The following CTTNBP2 variants were observed in gnomAD, a reference collection of about 807,000 sequenced individuals.
CTTNBP2 encodes the protein cortactin-binding protein 2.
In CTTNBP2, 108 loss-of-function variants were observed where a neutral mutation model predicts 156.9. The observed-to-expected ratio is 0.69, with a 90% CI of 0.59 to 0.81. CTTNBP2 has a LOEUF of 0.81. CTTNBP2 is among the 30% of genes least tolerant of loss of function. The pLI is 0.00. For missense variants in CTTNBP2, 1,924 were observed against 2,035.4 expected (o/e 0.95, Z 1.05); for synonymous variants, 767 against 751.8 (o/e 1.02, Z -0.33).
rs775961843 is a variant in CTTNBP2, at chr7:117,792,484, G to A, written c.712C>T (p.Arg238Trp). 20 of 1,614,144 alleles carry A rather than the reference G, an allele frequency of 1.2e-5. No individual in the cohort carries two copies. The highest frequency in any genetic ancestry group is 4.4e-5 in the South Asian group (4 of 91,076). Reference sequence around the variant, plus strand: ...TTCAGCTTGGCACGAAGCTGTTCCCGCTCAGTGTCAAACTCAGAGAGTTGT... The same window carrying A: ...TTCAGCTTGGCACGAAGCTGTTCCCACTCAGTGTCAAACTCAGAGAGTTGT... ...EKQLSEFDTE[R>W]EQLRAKLNRE... Residue 238 changes from arginine to tryptophan, a missense_variant, in exon 4 of 23, where the codon CGG becomes TGG. By Grantham distance (101) the Arg-to-Trp change is moderately radical. Transcript: ENST00000160373. The surrounding 1 kb of genome is among the most constrained non-coding windows in gnomAD (Gnocchi z 4.2).
At chr7:117,799,464 T>TAAAA (rs568543909) in intron 3 of CTTNBP2, among the ~76,000 whole-genome samples, 11 of 146,332 alleles carry the variant, frequency 7.5e-5, no homozygotes, top group African/African-American at 2.5e-5. Context: ...CCATTCATGA[T>TAAAA]AAAAAAAAAA....
At chr7:117,740,149 T>C (rs1332410885) in intron 14 of CTTNBP2, among the ~76,000 whole-genome samples, 1 of 152,044 alleles carries the variant, frequency 6.6e-6, no homozygotes, top group African/African-American at 2.4e-5. Context: ...GAGAAGAAAA[T>C]GTTATTTTAA....
At chr7:117,851,339 C>T (rs1428584444) in intron 2 of CTTNBP2, among the ~76,000 whole-genome samples, 1 of 151,808 alleles carries the variant, frequency 6.6e-6, no homozygotes, top group Non-Finnish European at 1.5e-5. Flanking sequence ...CTTTTATTCC[C>T]AATCTCTTCT....
chr7:117,773,914 C>A (rs1019299670), intron 8 of CTTNBP2, among the ~76,000 whole-genome samples: 5 of 152,190 alleles, frequency 3.3e-5, no homozygotes, highest in Non-Finnish European at 5.9e-5. Context: ...AGAACCATAA[C>A]CTCCTCCTGT....
chr7:117,813,108 G>A lies in CTTNBP2; in HGVS notation c.190-2119C>T, dbSNP rs1248011470. ...GTGAAGGGAGCAGGAATGTCGTACC[G>A]GACTGGTTCAGGTGGTCAGCTAGCT... On this transcript the variant is annotated intron_variant, in intron 2 of 22. Coordinates refer to ENST00000160373, the MANE Select transcript of CTTNBP2 (RefSeq NM_033427.3). 5.3e-5 allele frequency among the ~76,000 whole-genome samples: 8 copies of A among 152,240 alleles called. No homozygotes were observed. The South Asian group carries it at 8.3e-4, about 16-fold the overall frequency.
intron 17 of CTTNBP2, among the ~76,000 whole-genome samples, chr7:117,725,691 T>C (rs1292211348): frequency 7.0e-6 from 1 of 142,920 alleles, no homozygotes; most frequent in East Asian, 1.9e-4. Context: ...ATTGGGATAC[T>C]TTTTTTTTCT....
At chr7:117,872,028 T>G (rs1439884318) in intron 1 of CTTNBP2, 38 of 931,102 alleles carry the variant, frequency 4.1e-5, no homozygotes, top group Non-Finnish European at 4.7e-5. Flanking sequence ...CAGGTTTCGT[T>G]TGAAATCTTA....
chr7:117,805,739 A>T (rs577454784), intron 3 of CTTNBP2, among the ~76,000 whole-genome samples: 77 of 147,964 alleles, frequency 5.2e-4, no homozygotes, highest in African/African-American at 1.9e-3. Flanking sequence ...ACAGATTTTT[A>T]AAAAAATTGT....
intron 3 of CTTNBP2, among the ~76,000 whole-genome samples, chr7:117,804,530 T>C (rs1459444414): frequency 6.6e-6 from 1 of 152,128 alleles, no homozygotes; most frequent in Non-Finnish European, 1.5e-5. Context: ...CGAATGCCCA[T>C]CAGTGACAGA....
chr7:117,819,356 T>TTC (rs144262146), intron 2 of CTTNBP2, among the ~76,000 whole-genome samples: 22,660 of 126,794 alleles, frequency 0.18, 2,293 homozygotes, highest in African/African-American at 0.26. Flanking sequence ...TCTTTTCTCC[T>TTC]TCTCTCTCTC....
chr7:117,833,552 G>GT (rs1404539297), intron 2 of CTTNBP2, among the ~76,000 whole-genome samples: 1 of 152,184 alleles, frequency 6.6e-6, no homozygotes, highest in Non-Finnish European at 1.5e-5. Context: ...GAGCCACAGT[G>GT]TCTAGATTGT....
chr7:117,763,090 A>G (rs1001293200), intron 9 of CTTNBP2, among the ~76,000 whole-genome samples: 2 of 152,186 alleles, frequency 1.3e-5, no homozygotes, highest in Admixed American at 1.3e-4. Context: ...TCTTTTCCAT[A>G]GCATATCTCA....
rs765806445 is a variant in CTTNBP2 at position 117,745,816 on chromosome 7, C to T, written c.3535+15G>A. 1 of 1,585,868 alleles carries T rather than the reference C, an allele frequency of 6.3e-7. No individual in the cohort carries two copies. The highest frequency in any genetic ancestry group is 1.7e-5 in the Admixed American group (1 of 59,902). On this transcript the variant is annotated intron_variant, in intron 14 of 22. Transcript: ENST00000160373. ...CCTTTAGGTTATCACAGGCAATTTG[C>T]TGAAATGTTCTTACCGCTACTAATG...
At chr7:117,816,335 C>T (rs992365935) in intron 2 of CTTNBP2, among the ~76,000 whole-genome samples, 6 of 152,202 alleles carry the variant, frequency 3.9e-5, no homozygotes, top group Non-Finnish European at 7.4e-5. Flanking sequence ...TTGTTCTTTG[C>T]ACCCCCTGAA....
intron 12 of CTTNBP2, chr7:117,755,626 A>T: frequency 2.2e-6 from 1 of 459,420 alleles, no homozygotes; most frequent in South Asian, 1.6e-5. Flanking sequence ...AATAAATAAA[A>T]TAAGTCATAA....
rs376864286 is a variant in CTTNBP2 at position 117,791,108 on chromosome 7, T to A, written c.2068+20A>T. 2 of 1,590,684 alleles carry A rather than the reference T, an allele frequency of 1.3e-6. No homozygotes were observed. Among genetic ancestry groups the A allele is most frequent in the African/African-American group, 1.3e-5 (1 of 74,286 alleles). ...GAGGCCATATTCTTTAAAAAGCGTA[T>A]AACATTTCAATCCCTTTACCTGATG... On this transcript the variant is annotated intron_variant, in intron 4 of 22. Transcript: ENST00000160373.
chr7:117,860,107 G>A (rs1563074023), intron 2 of CTTNBP2, among the ~76,000 whole-genome samples: 1 of 152,052 alleles, frequency 6.6e-6, no homozygotes, highest in Non-Finnish European at 1.5e-5. Flanking sequence ...GACAAGGTTT[G>A]AGGAAACAAT....
At chr7:117,753,941 T>A (rs962913406) in intron 12 of CTTNBP2, among the ~76,000 whole-genome samples, 2 of 152,216 alleles carry the variant, frequency 1.3e-5, no homozygotes, top group Non-Finnish European at 2.9e-5. Flanking sequence ...AGTCAATTAC[T>A]ACATTTGTAT....
At chr7:117,872,820 GAC>G in intron 1 of CTTNBP2, among the ~76,000 whole-genome samples, 2 of 152,102 alleles carry the variant, frequency 1.3e-5, no homozygotes, top group Admixed American at 1.3e-4. Context: ...GAAGGCACAG[GAC>G]CAGATGCACA....
Sources: gnomAD v4.1 joint callset for allele counts (sites outside exome capture counted in the v4.1 genomes callset) on GRCh38, gnomAD v4.1.1 for gene constraint, Gnocchi (gnomAD v3.1) non-coding constraint, MANE v1.5 for transcripts, NCBI Gene and HGNC (gene_info 2026-07-23, HGNC 2026-07-21) for gene names.